Variants in FRMD4A observed in about 807,000 individuals in gnomAD.
FRMD4A encodes FERM domain containing 4A, also known as FERM domain-containing protein 4A.
In FRMD4A, 29 loss-of-function variants were observed where a neutral mutation model predicts 129.1. The observed-to-expected ratio is 0.22, with a 90% CI of 0.17 to 0.31. The LOEUF is 0.31. FRMD4A is among the 10% of genes least tolerant of loss of function. The pLI is 1.00. For missense variants in FRMD4A, 1,272 were observed against 1,375.8 expected, an observed-to-expected ratio of 0.92 and a Z score of 1.19; for synonymous variants, 634 against 571.6, an observed-to-expected ratio of 1.11 and a Z score of -1.56.
chr10:14,281,859 T>A (rs985782662), intron 2 of FRMD4A, among the ~76,000 whole-genome samples: 1 of 152,208 alleles, frequency 6.6e-6, no homozygotes, highest in Non-Finnish European at 1.5e-5. Flanking sequence ...AGTAACAAGT[T>A]GGTCTATACA....
chr10:13,656,967 C>T lies in FRMD4A; in HGVS notation c.2622G>A (p.Thr874=). Residue 874 remains threonine (T), a synonymous_variant, in exon 22 of 25, where the codon ACG becomes ACA. Transcript: ENST00000357447. ...KAQFKTSNSY[T]AGGLFKESWR... is the part of the protein sequence containing the mutation. ...AGCTCTCCTTGAACAGGCCGCCCGC[C>T]GTGTAGGAGTTGGACGTCTTGAACT... 2 of 1,542,666 alleles carry T rather than the reference C, an allele frequency of 1.3e-6. No homozygotes were observed. Among genetic ancestry groups the T allele is most frequent in the Non-Finnish European group, 1.7e-6 (2 of 1,151,922 alleles).
chr10:14,300,391 T>C (rs960425596), intron 2 of FRMD4A, among the ~76,000 whole-genome samples: 1 of 152,190 alleles, frequency 6.6e-6, no homozygotes, highest in Non-Finnish European at 1.5e-5. Context: ...CAAGGTCACA[T>C]AAGTGGTTTA....
chr10:13,831,006 T>C (rs944682658), intron 3 of FRMD4A, among the ~76,000 whole-genome samples: 2 of 152,160 alleles, frequency 1.3e-5, no homozygotes, highest in Non-Finnish European at 2.9e-5. Context: ...GCCAGGCTGG[T>C]CTTGAGCTCC....
chr10:13,940,839 G>A (rs922425418), intron 2 of FRMD4A, among the ~76,000 whole-genome samples: 8 of 152,124 alleles, frequency 5.3e-5, no homozygotes, highest in African/African-American at 1.4e-4. Context: ...ATGTCTTTAC[G>A]ATTTCCTAGT....
At chr10:13,970,250 G>A (rs148760182) in intron 2 of FRMD4A, among the ~76,000 whole-genome samples, 1 of 152,150 alleles carries the variant, frequency 6.6e-6, no homozygotes, top group Non-Finnish European at 1.5e-5. Context: ...TCAAGCACGA[G>A]AATTCTAGAA....
At position 14,218,903 on chromosome 10, in the gene FRMD4A, C is replaced by T. The variant is rs186698011; in HGVS notation, c.45+111155G>A. On this transcript the variant is annotated intron_variant, in intron 2 of 24. Transcript: ENST00000357447. ...CCAGGAGCCAGAGGTTGCAGTGAGC[C>T]GAGATTGCACCACTGCACTCCAGCC... Among the ~76,000 whole-genome samples, 48 of 124,200 alleles carry T rather than the reference C, an allele frequency of 3.9e-4. 1 individual carries two copies. Among genetic ancestry groups the T allele is most frequent in the Admixed American group, 2.3e-3 (23 of 10,042 alleles). The allele number at this position is 124,200 out of a possible 152,430, so 81.5% of individuals were successfully genotyped here.
intron 3 of FRMD4A, among the ~76,000 whole-genome samples, chr10:13,856,730 C>G (rs2094219271): frequency 6.6e-6 from 1 of 152,190 alleles, no homozygotes; most frequent in African/African-American, 2.4e-5. Context: ...CCTAATTCAA[C>G]ATTTTCTTGA....
At chr10:13,797,949 C>A (rs2093158953) in intron 4 of FRMD4A, among the ~76,000 whole-genome samples, 1 of 151,928 alleles carries the variant, frequency 6.6e-6, no homozygotes, top group South Asian at 2.1e-4. Context: ...CTCCACAAAG[C>A]CCATACCTGT....
At chr10:13,866,311 C>A in intron 2 of FRMD4A, 6 of 978,510 alleles carry the variant, frequency 6.1e-6, no homozygotes, top group Non-Finnish European at 7.3e-6. Flanking sequence ...ACAGGACACC[C>A]TGAGGATGTC....
intron 2 of FRMD4A, among the ~76,000 whole-genome samples, chr10:14,118,910 G>A (rs1838345397): frequency 6.6e-6 from 1 of 152,056 alleles, no homozygotes; most frequent in Non-Finnish European, 1.5e-5. Context: ...ACAACTCTCT[G>A]GCTCTCTTGG....
intron 11 of FRMD4A, 99 bp from the exon 12 acceptor site, chr10:13,738,029 C>T (rs2090747420): frequency 2.8e-6 from 2 of 719,680 alleles, no homozygotes; most frequent in Non-Finnish European, 5.0e-6. Flanking sequence ...AGGGAAAGGG[C>T]CATTTCCTTG....
At chr10:13,690,015 C>T (rs78717898) in intron 15 of FRMD4A, among the ~76,000 whole-genome samples, 2,032 of 152,240 alleles carry the variant, frequency 0.013, 46 homozygotes, top group African/African-American at 0.047. Flanking sequence ...TCTCAAAATG[C>T]TTTTAAGGAA....
chr10:14,051,688 G>A (rs1565213266), intron 2 of FRMD4A, among the ~76,000 whole-genome samples: 2 of 152,212 alleles, frequency 1.3e-5, no homozygotes, highest in South Asian at 2.1e-4. Flanking sequence ...CTGGGAGAGA[G>A]AGGTGAGACT....
chr10:13,838,829 T>G (rs982820609), intron 3 of FRMD4A, among the ~76,000 whole-genome samples: 1 of 152,082 alleles, frequency 6.6e-6, no homozygotes, highest in Non-Finnish European at 1.5e-5. Context: ...ATATGGACCT[T>G]AGACTGTAAG....
At chr10:13,688,295 C>CA (rs1419404554) in intron 15 of FRMD4A, among the ~76,000 whole-genome samples, 1 of 151,418 alleles carries the variant, frequency 6.6e-6, no homozygotes. Flanking sequence ...ATAGCAAGCA[C>CA]AAAAAACCAA....
At position 14,061,576 on chromosome 10, in the gene FRMD4A, C is replaced by T. The variant is rs545262182; in HGVS notation, c.46-202664G>A. On this transcript the variant is annotated intron_variant, in intron 2 of 24. Coordinates refer to ENST00000357447, the MANE Select transcript of FRMD4A (RefSeq NM_018027.5). Reference sequence around the variant, plus strand: ...ACAATCTTTCCAGAGACTAGTTTGTCAATTTCCTCCCTATCCTGAGACTTT... The same window carrying T: ...ACAATCTTTCCAGAGACTAGTTTGTTAATTTCCTCCCTATCCTGAGACTTT... 1.4e-4 allele frequency among the ~76,000 whole-genome samples: 22 copies of T among 152,276 alleles called. No individual in the cohort carries two copies. The South Asian group carries it at 3.9e-3, about 27-fold the overall frequency.
chr10:13,873,282 AGATAAGTTTGACTCTCTGGATCT>A, intron 2 of FRMD4A, among the ~76,000 whole-genome samples: 1 of 151,572 alleles, frequency 6.6e-6, no homozygotes, highest in Non-Finnish European at 1.5e-5. Context: ...AAAAAAAAAA[AGATAAGTTTGACTCTCTGGATCT>A]AAAAAAATAT....
intron 5 of FRMD4A, among the ~76,000 whole-genome samples, chr10:13,786,234 A>G (rs1193204049): frequency 1.3e-5 from 2 of 152,214 alleles, no homozygotes; most frequent in Non-Finnish European, 2.9e-5. Flanking sequence ...TTACAGTCCC[A>G]CCAACAGTGT....
chr10:13,809,790 A>C (rs2093415794), intron 4 of FRMD4A, among the ~76,000 whole-genome samples: 3 of 152,242 alleles, frequency 2.0e-5, no homozygotes, highest in Admixed American at 2.0e-4. Context: ...GGTTTGCCCA[A>C]GACAGTCCCA....
Sources: gnomAD v4.1 joint callset for allele counts (sites outside exome capture counted in the v4.1 genomes callset) on GRCh38, gnomAD v4.1.1 for gene constraint, MANE v1.5 for transcripts, NCBI Gene and HGNC (gene_info 2026-07-23, HGNC 2026-07-21) for gene names.